PUS10: variants seen among roughly 807,000 people sequenced by gnomAD.
PUS10 encodes tRNA pseudouridine synthase Pus10.
Under a neutral mutation model 75.0 loss-of-function variants are expected in PUS10, and 59 were observed. The observed-to-expected ratio is 0.79, with a 90% CI of 0.64 to 0.98. The LOEUF (loss-of-function observed/expected upper bound fraction) is 0.98. Among genes scored for constraint, PUS10 ranks in the 50% least tolerant of loss-of-function variants. The pLI is 0.00. For synonymous variants in PUS10, 219 were observed against 211.6 expected (o/e 1.03, Z -0.30); for missense variants, 650 against 614.4 (o/e 1.06, Z -0.61).
chr2:61,013,375 T>G (rs192872356), intron 1 of PUS10, among the ~76,000 whole-genome samples: 3 of 152,164 alleles, frequency 2.0e-5, no homozygotes, highest in Admixed American at 2.0e-4. Context: ...AAGGAAGGAA[T>G]GCATGCTCTG....
At chr2:60,967,464 A>C in intron 6 of PUS10, 38 bp downstream of exon 6, 1 of 1,365,702 alleles carries the variant, frequency 7.3e-7, no homozygotes, top group Non-Finnish European at 1.0e-6. Context: ...AACTAGTAAA[A>C]TCAGAGAATA....
intron 15 of PUS10, among the ~76,000 whole-genome samples, chr2:60,948,777 G>C (rs1675150484): frequency 1.3e-5 from 2 of 152,018 alleles, no homozygotes; most frequent in African/African-American, 4.8e-5. Context: ...AGATTTTTTA[G>C]GGACACAGGC....
intron 15 of PUS10, among the ~76,000 whole-genome samples, chr2:60,949,371 C>A (rs1269524617): frequency 6.6e-6 from 1 of 152,174 alleles, no homozygotes; most frequent in Non-Finnish European, 1.5e-5. Flanking sequence ...GCTTCCTTTA[C>A]CTTTAGAGTT....
At chr2:60,962,955 AAC>A in intron 8 of PUS10, 65 bp from the exon 9 acceptor site, 1 of 1,485,100 alleles carries the variant, frequency 6.7e-7, no homozygotes, top group South Asian at 1.3e-5. Context: ...TCAGACGTGA[AAC>A]ACAGAACATG....
intron 14 of PUS10, among the ~76,000 whole-genome samples, chr2:60,953,727 A>G (rs919994420): frequency 7.2e-5 from 11 of 152,214 alleles, no homozygotes; most frequent in African/African-American, 1.2e-4. Flanking sequence ...CATTTCCCCA[A>G]TGACTAATTA....
chr2:61,006,590 T>C lies in PUS10; in HGVS notation c.435A>G (p.Ser145=). The change falls in exon 4 of 18, where the codon TCA becomes TCG. Residue 145 remains serine (S), a synonymous_variant. Coordinates refer to ENST00000316752, the MANE Select transcript of PUS10 (RefSeq NM_144709.4). ...CAGATAGTTGTGGTGGGAAGGAGAC[T>C]GAAAATACCAAGCTGGTGAATTCAA... is the stretch of plus-strand genomic sequence containing the variant. ...SGFEFTSLVF[S]VSFPPQLSVR... 1 of 1,613,728 alleles carries C rather than the reference T, an allele frequency of 6.2e-7. No homozygotes were observed. Among genetic ancestry groups the C allele is most frequent in the Non-Finnish European group, 8.5e-7 (1 of 1,179,804 alleles).
chr2:60,970,659 G>C (rs557217128), intron 5 of PUS10, among the ~76,000 whole-genome samples: 5 of 151,924 alleles, frequency 3.3e-5, no homozygotes, highest in East Asian at 1.9e-4. Flanking sequence ...CTGGGCGGGG[G>C]AGGGGACGGA....
At chr2:60,965,291 G>T in intron 7 of PUS10, 132 bp downstream of exon 7, 1 of 988,976 alleles carries the variant, frequency 1.0e-6, no homozygotes, top group Non-Finnish European at 1.6e-6. Context: ...TTTTTTGAGG[G>T]CACATTTTAA....
Position 60,972,214 on chromosome 2 carries a change from A to G in PUS10, c.469-657T>C, listed in dbSNP as rs536894926. On this transcript the variant is annotated intron_variant, in intron 4 of 17. Coordinates refer to ENST00000316752, the MANE Select transcript of PUS10 (RefSeq NM_144709.4). ...CGCGCTGGCTCACGCCTGTAATCCC[A>G]GCACTTTGGGAGGCCGAGGTGGGCG... Among the ~76,000 whole-genome samples the G allele has an allele frequency of 2.1e-5, 3 of 141,358 alleles. No homozygotes were observed. In the South Asian group the frequency reaches 7.5e-4, roughly 36 times the overall value. 92.7% of individuals were successfully genotyped at this position (141,358 alleles called of 152,430 possible). A position where few individuals can be genotyped will look rare whatever the true frequency, so the allele number is the denominator to read the frequency against.
At chr2:60,970,996 A>C (rs902569605) in intron 5 of PUS10, among the ~76,000 whole-genome samples, 16 of 152,108 alleles carry the variant, frequency 1.1e-4, no homozygotes, top group African/African-American at 3.4e-4. Context: ...CCTGGACAAC[A>C]TGGTGAAACC....
chr2:61,007,368 G>A lies in PUS10; in HGVS notation c.382-725C>T, dbSNP rs375556394. On this transcript the variant is annotated intron_variant, in intron 3 of 17. Coordinates refer to ENST00000316752, the MANE Select transcript of PUS10 (RefSeq NM_144709.4). ...TCCCAGCTACTTGGGAGGCTAAGGC[G>A]TGAGGATCACTTGAGCCCAGAGGTG... is the stretch of plus-strand genomic sequence containing the variant. 6.5e-4 allele frequency among the ~76,000 whole-genome samples: 99 copies of A among 152,096 alleles called. 3 individuals carry two copies. In the South Asian group the frequency reaches 0.02, roughly 30 times the overall value.
At chr2:60,971,466 AG>A in intron 5 of PUS10, 56 bp downstream of exon 5, 1 of 1,479,024 alleles carries the variant, frequency 6.8e-7, no homozygotes, top group South Asian at 1.1e-5. Flanking sequence ...AAGTGCTTTA[AG>A]AACCAGGTAG....
intron 5 of PUS10, among the ~76,000 whole-genome samples, chr2:60,968,466 T>C (rs979913002): frequency 6.6e-6 from 1 of 152,128 alleles, no homozygotes; most frequent in Non-Finnish European, 1.5e-5. Flanking sequence ...AGGGCCAACT[T>C]ATGCATCATC....
At chr2:61,017,640 C>G in intron 1 of PUS10, 1 of 726,100 alleles carries the variant, frequency 1.4e-6, no homozygotes, top group Non-Finnish European at 2.3e-6. Context: ...GTCCTGACTG[C>G]AAGGGTGGGC....
intron 4 of PUS10, among the ~76,000 whole-genome samples, chr2:60,985,625 C>T (rs546911910): frequency 1.3e-5 from 2 of 152,050 alleles, no homozygotes; most frequent in Admixed American, 1.3e-4. Context: ...CTCAGCCTCC[C>T]GAGTAGCGGG....
intron 4 of PUS10, among the ~76,000 whole-genome samples, chr2:60,980,726 G>T (rs1368622120): frequency 6.6e-6 from 1 of 152,098 alleles, no homozygotes; most frequent in African/African-American, 2.4e-5. Context: ...AAAAATGCAT[G>T]TAAAATGTAA....
chr2:60,990,094 T>C (rs958983458), intron 4 of PUS10, among the ~76,000 whole-genome samples: 2 of 152,148 alleles, frequency 1.3e-5, no homozygotes, highest in African/African-American at 4.8e-5. Flanking sequence ...AGATAAAATA[T>C]TGTGTTTAAC....
intron 9 of PUS10, among the ~76,000 whole-genome samples, chr2:60,962,565 ACT>A (rs1264678072): frequency 6.6e-6 from 1 of 152,040 alleles, no homozygotes; most frequent in East Asian, 1.9e-4. Context: ...CAAAAGTGAA[ACT>A]CTGTCTCAAA....
chr2:60,985,506 T>C (rs1677664288), intron 4 of PUS10, among the ~76,000 whole-genome samples: 2 of 152,120 alleles, frequency 1.3e-5, no homozygotes, highest in Non-Finnish European at 2.9e-5. Flanking sequence ...TATTTTTTTC[T>C]CTCTTTTTTT....
Sources: allele counts gnomAD v4.1 joint callset (sites outside exome capture counted in the v4.1 genomes callset), GRCh38; gene constraint gnomAD v4.1.1; transcripts MANE v1.5; gene names NCBI Gene and HGNC (gene_info 2026-07-23, HGNC 2026-07-21).